NRXN3: variants seen among roughly 807,000 people sequenced by gnomAD.
NRXN3 encodes the protein neurexin III.
Under a neutral mutation model 137.6 loss-of-function variants are expected in NRXN3, and 32 were observed. That is an observed-to-expected ratio of 0.23 (90% CI 0.18 to 0.31). The LOEUF (loss-of-function observed/expected upper bound fraction) is 0.31, where lower values mean the gene tolerates loss of function less well. Ranked by LOEUF, NRXN3 falls within the 10% of genes least tolerant of loss-of-function variation. NRXN3 has a pLI of 1.00. For missense variants in NRXN3, 1,574 were observed against 2,062.5 expected (o/e 0.76, Z 4.59); for synonymous variants, 798 against 784.5 (o/e 1.02, Z -0.29).
intron 16 of NRXN3, among the ~76,000 whole-genome samples, chr14:79,562,869 T>G (rs2097512558): frequency 6.6e-6 from 1 of 152,200 alleles, no homozygotes; most frequent in Non-Finnish European, 1.5e-5. Flanking sequence ...TACTAATTAT[T>G]TTGACAGACA....
intron 15 of NRXN3, among the ~76,000 whole-genome samples, chr14:79,010,468 A>G (rs576590598): frequency 5.3e-5 from 8 of 152,324 alleles, no homozygotes; most frequent in Non-Finnish European, 2.9e-5. Flanking sequence ...ACCTAGGCTG[A>G]TAACAAAATC....
At chr14:78,844,778 G>T (rs1295312900) in intron 10 of NRXN3, among the ~76,000 whole-genome samples, 1 of 151,996 alleles carries the variant, frequency 6.6e-6, no homozygotes, top group South Asian at 2.1e-4. Flanking sequence ...GAGTGTGATG[G>T]TTAATCCCTC....
At chr14:79,020,343 G>A (rs371121350) in intron 15 of NRXN3, among the ~76,000 whole-genome samples, 17 of 149,194 alleles carry the variant, frequency 1.1e-4, no homozygotes, top group Admixed American at 2.0e-4. Context: ...TTGTCTCACC[G>A]CAACCTCCGC....
chr14:79,650,595 A>G (rs887367294), intron 16 of NRXN3, among the ~76,000 whole-genome samples: 3 of 152,136 alleles, frequency 2.0e-5, no homozygotes, highest in African/African-American at 7.2e-5. Flanking sequence ...CAGTTGCCCT[A>G]TGCACCACAC....
chr14:78,288,733 A>G (rs147617702), intron 3 of NRXN3, among the ~76,000 whole-genome samples: 56 of 152,220 alleles, frequency 3.7e-4, no homozygotes, highest in Middle Eastern at 6.8e-3. Flanking sequence ...TGGCATAACT[A>G]CCTTTGTCTC....
intron 4 of NRXN3, among the ~76,000 whole-genome samples, chr14:78,346,053 GA>G (rs1228514987): frequency 6.6e-6 from 1 of 152,200 alleles, no homozygotes; most frequent in South Asian, 2.1e-4. Context: ...TCAGGAGAGG[GA>G]AAGGCCATGG....
chr14:79,802,260 C>T (rs903058990), intron 19 of NRXN3, among the ~76,000 whole-genome samples: 1 of 152,114 alleles, frequency 6.6e-6, no homozygotes, highest in Non-Finnish European at 1.5e-5. Context: ...AACTCACCAG[C>T]TTTCACTCAA....
rs190942898 is a variant in NRXN3 at position 79,534,933 on chromosome 14, A to C, written c.3444+67531A>C. Among the ~76,000 whole-genome samples the C allele has an allele frequency of 2.2e-4, 33 of 152,306 alleles. 1 individual carries two copies. The highest frequency in any genetic ancestry group is 3.8e-4 in the African/African-American group (16 of 41,588). On this transcript the variant is annotated intron_variant, in intron 16 of 20. Transcript: ENST00000335750. ...TTTCCTGTGGTCTGACATCCTGTTAAAAGCATTGGTCTCTTTCTAAACATT... is the reference window on the plus strand; with the variant it reads ...TTTCCTGTGGTCTGACATCCTGTTACAAGCATTGGTCTCTTTCTAAACATT...
Position 78,483,974 on chromosome 14 carries a change from A to G in NRXN3, c.758-161146A>G, listed in dbSNP as rs1041551372. ...TTCATTTTTCAGCATAAACCAAGGG[A>G]TGCTCTTACACACACACACACACAC... On this transcript the variant is annotated intron_variant, in intron 4 of 20. Coordinates refer to ENST00000335750, the MANE Select transcript of NRXN3 (RefSeq NM_001330195.2). Among the ~76,000 whole-genome samples, 4 of 133,870 alleles carry G rather than the reference A, an allele frequency of 3.0e-5. No individual in the cohort carries two copies. In the Admixed American group the frequency reaches 3.3e-4, roughly 11 times the overall value. The allele number at this position is 133,870 out of a possible 152,430, so 87.8% of individuals were successfully genotyped here. A position where few individuals can be genotyped will look rare whatever the true frequency, so the allele number is the denominator to read the frequency against.
intron 2 of NRXN3, among the ~76,000 whole-genome samples, chr14:78,272,483 T>G (rs945992844): frequency 1.3e-5 from 2 of 152,210 alleles, no homozygotes; most frequent in Non-Finnish European, 1.5e-5. Context: ...CTGTGGACTC[T>G]TCAGTTCCTG....
At chr14:78,517,571 A>G (rs1164504495) in intron 4 of NRXN3, among the ~76,000 whole-genome samples, 1 of 152,116 alleles carries the variant, frequency 6.6e-6, no homozygotes, top group African/African-American at 2.4e-5. Context: ...CTTTCTCTTC[A>G]TTGCATTAGT....
intron 15 of NRXN3, among the ~76,000 whole-genome samples, chr14:78,996,569 G>T (rs904865798): frequency 2.0e-5 from 3 of 152,016 alleles, no homozygotes; most frequent in Non-Finnish European, 2.9e-5. Flanking sequence ...TTATTCTTTT[G>T]GGGGGGATGC....
intron 15 of NRXN3, among the ~76,000 whole-genome samples, chr14:79,405,877 A>G (rs2095300876): frequency 6.6e-6 from 1 of 152,124 alleles, no homozygotes; most frequent in Admixed American, 6.6e-5. Flanking sequence ...CAGTCTGGAG[A>G]TGGGTCAGGG....
At chr14:78,385,927 C>T (rs747121060) in intron 4 of NRXN3, among the ~76,000 whole-genome samples, 4 of 151,938 alleles carry the variant, frequency 2.6e-5, no homozygotes, top group Non-Finnish European at 5.9e-5. Flanking sequence ...CACAGCTTAC[C>T]CTTTGACTCC....
At chr14:79,257,745 G>A (rs1446147756) in intron 15 of NRXN3, among the ~76,000 whole-genome samples, 1 of 151,664 alleles carries the variant, frequency 6.6e-6, no homozygotes, top group African/African-American at 2.4e-5. Flanking sequence ...AATAACTCAG[G>A]AAGATCATGA....
chr14:78,900,443 CT>C (rs113445251), intron 10 of NRXN3, among the ~76,000 whole-genome samples: 6,431 of 142,298 alleles, frequency 0.045, 443 homozygotes, highest in African/African-American at 0.15. Context: ...CATTTTTTTT[CT>C]TTTTTTTTTT....
chr14:78,647,743 A>G (rs2097701280), intron 5 of NRXN3, among the ~76,000 whole-genome samples: 1 of 152,240 alleles, frequency 6.6e-6, no homozygotes, highest in Non-Finnish European at 1.5e-5. Flanking sequence ...CTGAAAAGCA[A>G]AGTTGATTTT....
intron 15 of NRXN3, among the ~76,000 whole-genome samples, chr14:79,059,546 C>G (rs546826703): frequency 6.6e-6 from 1 of 151,880 alleles, no homozygotes; most frequent in Non-Finnish European, 1.5e-5. Context: ...CATGAGCCAC[C>G]GCGCCTGGCC....
At chr14:78,759,321 CT>C (rs1259704567) in intron 8 of NRXN3, among the ~76,000 whole-genome samples, 1 of 152,216 alleles carries the variant, frequency 6.6e-6, no homozygotes, top group Non-Finnish European at 1.5e-5. Context: ...GAACCAGCCT[CT>C]AACCAGGTGC....
Sources: gnomAD v4.1 joint callset for allele counts (sites outside exome capture counted in the v4.1 genomes callset) on GRCh38, gnomAD v4.1.1 for gene constraint, MANE v1.5 for transcripts, NCBI Gene and HGNC (gene_info 2026-07-23, HGNC 2026-07-21) for gene names.